ROBO2: variants seen among roughly 807,000 people sequenced by gnomAD.
The protein encoded by ROBO2 is roundabout guidance receptor 2.
ROBO2 carries 53 observed loss-of-function variants against 160.8 expected under a neutral mutation model. That is an observed-to-expected ratio of 0.33 (90% CI 0.26 to 0.41). The LOEUF is 0.41. Among genes scored for constraint, ROBO2 ranks in the 10% least tolerant of loss-of-function variants. The probability of loss-of-function intolerance (pLI) is 1.00; values close to 1 mark genes in which losing one functional copy is unlikely to be tolerated. For synonymous variants in ROBO2, 664 were observed against 611.7 expected (o/e 1.09, Z -1.26); for missense variants, 1,577 against 1,722.4 (o/e 0.92, Z 1.49).
At chr3:76,416,812 T>A (rs1468067082) in intron 2 of ROBO2, among the ~76,000 whole-genome samples, 2 of 152,224 alleles carry the variant, frequency 1.3e-5, no homozygotes, top group Admixed American at 6.5e-5. Flanking sequence ...CTCTTCAGTT[T>A]GCTTTGATGG....
At chr3:77,467,817 C>T (rs2082944122) in intron 2 of ROBO2, among the ~76,000 whole-genome samples, 4 of 151,566 alleles carry the variant, frequency 2.6e-5, no homozygotes, top group African/African-American at 7.3e-5. Context: ...TCTTCTAATG[C>T]CCAAAGTTAT....
At chr3:77,526,925 G>A (rs985241039) in intron 6 of ROBO2, among the ~76,000 whole-genome samples, 3 of 151,446 alleles carry the variant, frequency 2.0e-5, no homozygotes, top group African/African-American at 7.3e-5. Context: ...ATTACTGACT[G>A]AAAAGCAGCG....
At chr3:77,357,880 A>G (rs1318711732) in intron 2 of ROBO2, among the ~76,000 whole-genome samples, 2 of 152,222 alleles carry the variant, frequency 1.3e-5, no homozygotes, top group Non-Finnish European at 2.9e-5. Flanking sequence ...CTATGGAAAT[A>G]AAATGACTAG....
intron 2 of ROBO2, among the ~76,000 whole-genome samples, chr3:76,968,405 T>A (rs1254597752): frequency 1.3e-5 from 2 of 152,174 alleles, no homozygotes; most frequent in Non-Finnish European, 2.9e-5. Flanking sequence ...TGTGGAGCTC[T>A]CACAATGATC....
intron 2 of ROBO2, among the ~76,000 whole-genome samples, chr3:77,296,147 A>G (rs1485628371): frequency 6.6e-6 from 1 of 151,782 alleles, no homozygotes; most frequent in Non-Finnish European, 1.5e-5. Context: ...GTAAAGTAAA[A>G]TTGACGGCTA....
At chr3:76,998,598 C>T (rs945587344) in intron 2 of ROBO2, among the ~76,000 whole-genome samples, 3 of 152,090 alleles carry the variant, frequency 2.0e-5, no homozygotes, top group African/African-American at 4.8e-5. Context: ...CATAACATAC[C>T]GTGTGTAATA....
intron 2 of ROBO2, among the ~76,000 whole-genome samples, chr3:76,203,243 G>C (rs1311102823): frequency 6.6e-6 from 1 of 152,160 alleles, no homozygotes; most frequent in Non-Finnish European, 1.5e-5. Context: ...CCTTCCAGTT[G>C]GTTTGGCCAA....
intron 2 of ROBO2, among the ~76,000 whole-genome samples, chr3:77,454,758 A>G (rs558622018): frequency 5.3e-5 from 8 of 152,244 alleles, no homozygotes; most frequent in Admixed American, 2.6e-4. Flanking sequence ...ATTTTACTTA[A>G]TTGTGTCTTC....
At chr3:75,983,323 G>C (rs186835897) in intron 2 of ROBO2, among the ~76,000 whole-genome samples, 4 of 151,568 alleles carry the variant, frequency 2.6e-5, no homozygotes, top group Admixed American at 6.6e-5. Context: ...ATTTTTACTA[G>C]TTGGCAGTGT....
intron 1 of ROBO2, among the ~76,000 whole-genome samples, chr3:77,058,010 T>G (rs1255052601): frequency 6.6e-6 from 1 of 152,088 alleles, no homozygotes; most frequent in Non-Finnish European, 1.5e-5. Context: ...GAAAAACATG[T>G]GGCTGGATTT....
In ROBO2 at chr3:75,917,144, G is replaced by T. The variant is rs1386338550; in HGVS notation, c.-14+10184G>T. 2.0e-5 allele frequency among the ~76,000 whole-genome samples: 3 copies of T among 152,050 alleles called. No homozygotes were observed. In the South Asian group the frequency reaches 6.2e-4, roughly 32 times the overall value. On this transcript the variant is annotated intron_variant, in intron 1 of 26. Coordinates refer to the ROBO2 transcript ENST00000487694. ...TATCAACCCGTTATCTAGGTTTTAA[G>T]CTCCACACGCATTAGCTATTTGTCC... is the stretch of plus-strand genomic sequence containing the variant.
chr3:76,100,409 A>G (rs956249634), intron 2 of ROBO2, among the ~76,000 whole-genome samples: 1 of 152,200 alleles, frequency 6.6e-6, no homozygotes, highest in African/African-American at 2.4e-5. Context: ...CTGCAACTTC[A>G]AGACTCTAGA....
intron 2 of ROBO2, among the ~76,000 whole-genome samples, chr3:76,390,098 C>T (rs1047167521): frequency 6.6e-6 from 1 of 152,080 alleles, no homozygotes; most frequent in Non-Finnish European, 1.5e-5. Flanking sequence ...AGATGATACT[C>T]ATTATATTTG....
At chr3:76,174,199 T>G (rs2073143764) in intron 2 of ROBO2, among the ~76,000 whole-genome samples, 1 of 152,220 alleles carries the variant, frequency 6.6e-6, no homozygotes, top group Admixed American at 6.5e-5. Flanking sequence ...TGCCTGCTTT[T>G]TGATGGGGTT....
chr3:77,577,050 TTAGAG>T (rs1209914850), intron 14 of ROBO2, among the ~76,000 whole-genome samples: 2 of 152,084 alleles, frequency 1.3e-5, no homozygotes, highest in East Asian at 1.9e-4. Flanking sequence ...AGACAGTCTA[TTAGAG>T]TAGAGTTCTA....
At chr3:77,624,896 T>C (rs1438972886) in intron 23 of ROBO2, among the ~76,000 whole-genome samples, 1 of 152,148 alleles carries the variant, frequency 6.6e-6, no homozygotes, top group East Asian at 1.9e-4. Flanking sequence ...TCCCTGCAAC[T>C]CTGAAGCCAA....
chr3:76,347,182 C>T (rs967275146), intron 2 of ROBO2, among the ~76,000 whole-genome samples: 6 of 152,122 alleles, frequency 3.9e-5, no homozygotes, highest in African/African-American at 1.4e-4. Context: ...ACACTTTTTA[C>T]TGTATCCACC....
At position 76,895,901 on chromosome 3, in the gene ROBO2, G is replaced by C. The variant is rs550078925; in HGVS notation, c.110-202113G>C. Among the ~76,000 whole-genome samples, 6 of 152,228 alleles carry C rather than the reference G, an allele frequency of 3.9e-5. No individual in the cohort carries two copies. In the East Asian group the frequency reaches 9.7e-4, roughly 25 times the overall value. ...CTTTGCAAAACGGCACTGCTTGCTT[G>C]TTTGATCTTTTCCCTTGGAAAGTAA... On this transcript the variant is annotated intron_variant, in intron 2 of 26. Coordinates refer to the ROBO2 transcript ENST00000487694.
chr3:76,162,296 A>C (rs1477874203), intron 2 of ROBO2, among the ~76,000 whole-genome samples: 1 of 152,050 alleles, frequency 6.6e-6, no homozygotes, highest in Non-Finnish European at 1.5e-5. Context: ...TGAGCATATT[A>C]CTTTATTGTG....
Sources: gnomAD v4.1 joint callset for allele counts (sites outside exome capture counted in the v4.1 genomes callset) on GRCh38, gnomAD v4.1.1 for gene constraint, MANE v1.5 for transcripts, NCBI Gene and HGNC (gene_info 2026-07-23, HGNC 2026-07-21) for gene names.